PDLIM1: variants seen among roughly 807,000 people sequenced by gnomAD.
PDLIM1 encodes the protein PDZ and LIM domain 1.
A neutral mutation model predicts 35.2 loss-of-function variants in PDLIM1; 25 were observed. That is an observed-to-expected ratio of 0.71 (90% CI 0.52 to 0.99). The LOEUF is 0.99. Among genes scored for constraint, PDLIM1 ranks in the 50% least tolerant of loss-of-function variants. The probability of loss-of-function intolerance (pLI) is 0.00; values close to 1 mark genes in which losing one functional copy is unlikely to be tolerated. For synonymous variants in PDLIM1, 152 were observed against 154.0 expected (o/e 0.99, Z 0.10); for missense variants, 363 against 415.3 (o/e 0.87, Z 1.09).
chr10:95,286,510 C>T (rs904087809), intron 1 of PDLIM1, among the ~76,000 whole-genome samples: 52 of 152,284 alleles, frequency 3.4e-4, no homozygotes, highest in African/African-American at 1.2e-3. Context: ...CCCAGGATCA[C>T]CCACCAAGGT....
chr10:95,250,644 T>C (rs2035259699), intron 4 of PDLIM1, among the ~76,000 whole-genome samples: 1 of 152,222 alleles, frequency 6.6e-6, no homozygotes, highest in Admixed American at 6.5e-5. Flanking sequence ...TACAGTGATA[T>C]GGCTTCAGAA....
intron 1 of PDLIM1, among the ~76,000 whole-genome samples, chr10:95,284,823 T>C (rs1011915522): frequency 2.6e-5 from 4 of 152,224 alleles, no homozygotes; most frequent in Non-Finnish European, 5.9e-5. Flanking sequence ...TTAGTATTTA[T>C]GGCATTTACC....
chr10:95,251,918 C>T (rs1486986378), intron 4 of PDLIM1, among the ~76,000 whole-genome samples: 1 of 152,186 alleles, frequency 6.6e-6, no homozygotes, highest in Non-Finnish European at 1.5e-5. Context: ...AGACATGGAG[C>T]GGAGGGCAGC....
chr10:95,257,146 C>T (rs535344241), intron 4 of PDLIM1, among the ~76,000 whole-genome samples: 6 of 151,830 alleles, frequency 4.0e-5, no homozygotes, highest in Non-Finnish European at 5.9e-5. Flanking sequence ...GTAATCTCAG[C>T]ACTTTGGGAG....
At chr10:95,255,770 GTCCTAA>G (rs1269789286) in intron 4 of PDLIM1, among the ~76,000 whole-genome samples, 1 of 152,060 alleles carries the variant, frequency 6.6e-6, no homozygotes, top group Non-Finnish European at 1.5e-5. Context: ...AGCATTGGAG[GTCCTAA>G]TCAGAGACCT....
At chr10:95,248,077 G>T (rs2035238410) in intron 4 of PDLIM1, among the ~76,000 whole-genome samples, 1 of 152,188 alleles carries the variant, frequency 6.6e-6, no homozygotes, top group Non-Finnish European at 1.5e-5. Flanking sequence ...CTCTTTCCCT[G>T]AGGGCTCCAC....
intron 3 of PDLIM1, 50 bp downstream of exon 3, chr10:95,268,728 G>C (rs772420368): frequency 1.7e-6 from 2 of 1,202,010 alleles, no homozygotes; most frequent in South Asian, 1.2e-5. Context: ...TGTCAGAAAC[G>C]GCAAAGTGCT....
At position 95,253,017 on chromosome 10, in the gene PDLIM1, A is replaced by G. The variant is rs1031743213; in HGVS notation, c.534-5651T>C. On this transcript the variant is annotated intron_variant, in intron 4 of 6. Coordinates refer to ENST00000329399, the MANE Select transcript of PDLIM1 (RefSeq NM_020992.4). ...GTGTCCTAAATTTGGCAAAAGACAT[A>G]AAGAAGTGAAGTGAACAGGAAACAG... is the stretch of plus-strand genomic sequence containing the variant. Among the ~76,000 whole-genome samples the G allele has an allele frequency of 3.9e-5, 6 of 152,180 alleles. No homozygotes were observed. The South Asian group carries it at 8.3e-4, about 21-fold the overall frequency.
At chr10:95,287,036 G>A (rs940280381) in intron 1 of PDLIM1, among the ~76,000 whole-genome samples, 4 of 152,194 alleles carry the variant, frequency 2.6e-5, no homozygotes, top group African/African-American at 9.7e-5. Flanking sequence ...AGCAAGGTTG[G>A]CATCAGGAGT....
At chr10:95,251,553 C>T (rs2035268204) in intron 4 of PDLIM1, among the ~76,000 whole-genome samples, 1 of 152,146 alleles carries the variant, frequency 6.6e-6, no homozygotes, top group South Asian at 2.1e-4. Flanking sequence ...ATCCTCATTG[C>T]TGATACAACC....
chr10:95,286,284 G>C (rs181988985), intron 1 of PDLIM1, among the ~76,000 whole-genome samples: 7 of 152,176 alleles, frequency 4.6e-5, no homozygotes, highest in East Asian at 1.9e-4. Flanking sequence ...TTGAACCCAG[G>C]GGGTGGAGGT....
intron 1 of PDLIM1, among the ~76,000 whole-genome samples, chr10:95,280,652 G>A (rs549241136): frequency 6.6e-6 from 1 of 152,234 alleles, no homozygotes; most frequent in Non-Finnish European, 1.5e-5. Flanking sequence ...TTTGTCAAAT[G>A]GTTTAAATGG....
chr10:95,283,977 T>TCTC (rs148483494), intron 1 of PDLIM1, among the ~76,000 whole-genome samples: 47 of 129,380 alleles, frequency 3.6e-4, no homozygotes, highest in Non-Finnish European at 1.4e-4. Context: ...TATGGCCTTT[T>TCTC]TCTCTGTGTG....
Position 95,282,081 on chromosome 10 carries a change from T to C in PDLIM1, c.96+8739A>G, listed in dbSNP as rs1370648739. ...GCCTAAATAACGATAGTAATAATTA[T>C]ATACAACTGGGATAAAGAAATGTGA... On this transcript the variant is annotated intron_variant, in intron 1 of 6. Coordinates refer to ENST00000329399, the MANE Select transcript of PDLIM1 (RefSeq NM_020992.4). 3.3e-5 allele frequency among the ~76,000 whole-genome samples: 5 copies of C among 152,376 alleles called. No homozygotes were observed. In the South Asian group the frequency reaches 8.3e-4, roughly 25 times the overall value.
intron 5 of PDLIM1, among the ~76,000 whole-genome samples, chr10:95,243,042 A>G (rs2035191587): frequency 6.6e-6 from 1 of 152,216 alleles, no homozygotes; most frequent in African/African-American, 2.4e-5. Context: ...AGAGGCTGCA[A>G]AAGGGTAGAA....
intron 1 of PDLIM1, among the ~76,000 whole-genome samples, chr10:95,284,279 A>G (rs541226199): frequency 2.0e-5 from 3 of 152,160 alleles, no homozygotes; most frequent in Middle Eastern, 3.2e-3. Context: ...CTTCAGAAGC[A>G]TAAGTATTTT....
chr10:95,257,742 G>A (rs2035328936), intron 4 of PDLIM1, among the ~76,000 whole-genome samples: 2 of 152,092 alleles, frequency 1.3e-5, no homozygotes, highest in Non-Finnish European at 1.5e-5. Flanking sequence ...ACAGTATGGA[G>A]ATTACTCAAA....
chr10:95,268,715 C>T, intron 3 of PDLIM1, 63 bp downstream of exon 3: 1 of 995,944 alleles, frequency 1.0e-6, no homozygotes, highest in Non-Finnish European at 1.6e-6. Flanking sequence ...ATGTGCTGAG[C>T]AGTGTCAGAA....
At chr10:95,271,043 C>A (rs941889291) in intron 2 of PDLIM1, among the ~76,000 whole-genome samples, 1 of 151,890 alleles carries the variant, frequency 6.6e-6, no homozygotes, top group Non-Finnish European at 1.5e-5. Context: ...AGCCACCGCA[C>A]CTGGCCAGGA....
Sources: allele counts gnomAD v4.1 joint callset (sites outside exome capture counted in the v4.1 genomes callset), GRCh38; gene constraint gnomAD v4.1.1; transcripts MANE v1.5; gene names NCBI Gene and HGNC (gene_info 2026-07-23, HGNC 2026-07-21).